TTC23L: variants seen among roughly 807,000 people sequenced by gnomAD.
TTC23L encodes the protein tetratricopeptide repeat domain 23 like.
In TTC23L, 42 loss-of-function variants were observed where a neutral mutation model predicts 48.1. The observed-to-expected ratio is 0.87, with a 90% CI of 0.68 to 1.13. The LOEUF (loss-of-function observed/expected upper bound fraction) is 1.13. Ranked by LOEUF, TTC23L falls within the 50% of genes most tolerant of loss-of-function variation. The pLI is 0.00. For synonymous variants in TTC23L, 159 were observed against 157.2 expected (o/e 1.01, Z -0.09); for missense variants, 391 against 421.0 (o/e 0.93, Z 0.62).
At position 34,863,087 on chromosome 5, in the gene TTC23L, C is replaced by T. The variant is rs756663745; in HGVS notation, c.536+33C>T. On this transcript the variant is annotated intron_variant, in intron 5 of 10. Transcript: ENST00000505624. This position sits in a 1 kb window ranked among gnomAD's most constrained non-coding sequence, Gnocchi z 4.1. ...TCCATTCCTAGCTGCGTTTAGTGTTCGGGGCCACAGGCCACACATGCCAGA... is the reference window on the plus strand; with the variant it reads ...TCCATTCCTAGCTGCGTTTAGTGTTTGGGGCCACAGGCCACACATGCCAGA... 1.2e-5 allele frequency: 19 copies of T among 1,611,774 alleles called. No individual in the cohort carries two copies. The highest frequency in any genetic ancestry group is 5.3e-5 in the African/African-American group (4 of 74,846).
chr5:34,844,934 T>G (rs182545970), intron 2 of TTC23L, among the ~76,000 whole-genome samples: 2 of 152,318 alleles, frequency 1.3e-5, no homozygotes, highest in African/African-American at 4.8e-5. Flanking sequence ...TGAGAAGACA[T>G]GCAAAGTCCA....
intron 9 of TTC23L, among the ~76,000 whole-genome samples, chr5:34,886,470 G>T (rs997304905): frequency 1.3e-5 from 2 of 151,920 alleles, no homozygotes; most frequent in African/African-American, 4.8e-5. Flanking sequence ...GCAAAAATGT[G>T]GCTGAAACTT....
chr5:34,872,692 AT>A (rs1442568283), intron 8 of TTC23L, among the ~76,000 whole-genome samples: 1 of 152,238 alleles, frequency 6.6e-6, no homozygotes, highest in African/African-American at 2.4e-5. Context: ...ATTGTAAAAA[AT>A]AACCCAAATA....
At chr5:34,902,852 T>TG (rs1330120713), downstream of TTC23L, among the ~76,000 whole-genome samples, 2 of 152,114 alleles carry the variant, frequency 1.3e-5, no homozygotes, top group Non-Finnish European at 2.9e-5. Context: ...TTTCTGGAGA[T>TG]GGGGCTGCTG....
At chr5:34,914,677 A>G in the TTC23L span, 2 of 1,613,186 alleles carry the variant, frequency 1.2e-6, no homozygotes, top group South Asian at 1.1e-5. Context: ...ACAGGCTTAA[A>G]GGCGCCTACT....
intron 4 of TTC23L, among the ~76,000 whole-genome samples, chr5:34,858,232 T>C (rs555488633): frequency 3.3e-5 from 5 of 152,314 alleles, no homozygotes; most frequent in African/African-American, 9.6e-5. Context: ...GGAGGGCAGA[T>C]ACAGAAAAGT....
intron 9 of TTC23L, among the ~76,000 whole-genome samples, chr5:34,882,243 C>G (rs1315862590): frequency 1.3e-5 from 2 of 152,188 alleles, no homozygotes; most frequent in Non-Finnish European, 2.9e-5. Flanking sequence ...TAATCCTCCA[C>G]TTCTAACCAA....
intron 9 of TTC23L, among the ~76,000 whole-genome samples, chr5:34,894,454 CATAAGT>C (rs1371368359): frequency 6.6e-5 from 10 of 152,128 alleles, no homozygotes; most frequent in African/African-American, 9.6e-5. Flanking sequence ...TAGCATAACT[CATAAGT>C]ATATGTAAAT....
the TTC23L span, among the ~76,000 whole-genome samples, chr5:34,917,073 G>T: frequency 6.6e-6 from 1 of 152,108 alleles, no homozygotes; most frequent in East Asian, 1.9e-4. Context: ...GATTTAGCCC[G>T]TAAGCTGCAT....
At chr5:34,904,901 A>G in the TTC23L span, among the ~76,000 whole-genome samples, 2 of 152,218 alleles carry the variant, frequency 1.3e-5, no homozygotes, top group African/African-American at 4.8e-5. Context: ...TAATTTAGTA[A>G]GTTCACATAT....
At chr5:34,925,598 A>G in the TTC23L span, 2 of 948,828 alleles carry the variant, frequency 2.1e-6, no homozygotes, top group South Asian at 4.8e-5. Flanking sequence ...TAATTAGTGT[A>G]GCATTTACAA....
At chr5:34,847,540 G>T (rs1042516110) in intron 3 of TTC23L, among the ~76,000 whole-genome samples, 5 of 151,478 alleles carry the variant, frequency 3.3e-5, no homozygotes, top group African/African-American at 1.2e-4. Flanking sequence ...GAAGGGCAGG[G>T]GATGCCACAT....
the TTC23L span, chr5:34,914,008 G>A: frequency 2.2e-6 from 1 of 456,714 alleles, no homozygotes; most frequent in Non-Finnish European, 4.4e-6. Flanking sequence ...ATACAGGTGT[G>A]AGCCACCATA....
chr5:34,916,871 CA>C, the TTC23L span: 1 of 152,088 alleles, frequency 6.6e-6, no homozygotes, highest in Admixed American at 6.5e-5. Flanking sequence ...GATTGGGGGG[CA>C]GGGGGAGGGA....
chr5:34,906,325 C>T, the TTC23L span: 57 of 152,092 alleles, frequency 3.7e-4, no homozygotes, highest in African/African-American at 1.3e-3. Context: ...GTTTTAAATT[C>T]TTTTTAGATT....
At chr5:34,904,499 CAGG>C in the TTC23L span, among the ~76,000 whole-genome samples, 2 of 151,056 alleles carry the variant, frequency 1.3e-5, no homozygotes, top group Admixed American at 6.6e-5. Flanking sequence ...GAGGCTGAGG[CAGG>C]AGAACCGCTT....
intron 8 of TTC23L, among the ~76,000 whole-genome samples, chr5:34,875,364 G>A (rs1177179404): frequency 6.6e-6 from 1 of 152,218 alleles, no homozygotes; most frequent in Admixed American, 6.5e-5. Flanking sequence ...TAAACTCACA[G>A]GATCACAAAG....
At chr5:34,918,587 C>T in the TTC23L span, 1 of 579,982 alleles carries the variant, frequency 1.7e-6, no homozygotes, top group Non-Finnish European at 2.9e-6. Flanking sequence ...GAAAAAAACA[C>T]AATGCCTTTT....
At chr5:34,887,495 A>G (rs1317004780) in intron 9 of TTC23L, among the ~76,000 whole-genome samples, 2 of 152,208 alleles carry the variant, frequency 1.3e-5, no homozygotes, top group East Asian at 3.8e-4. Context: ...ATTGTTTCTC[A>G]AATCTAGAAT....
Sources: gnomAD v4.1 joint callset for allele counts (sites outside exome capture counted in the v4.1 genomes callset) on GRCh38, gnomAD v4.1.1 for gene constraint, Gnocchi (gnomAD v3.1) non-coding constraint, MANE v1.5 for transcripts, NCBI Gene and HGNC (gene_info 2026-07-23, HGNC 2026-07-21) for gene names.